Variants in CAPN5 observed in about 807,000 individuals in gnomAD.
CAPN5 encodes calpain 5, also known as calpain-5.
A neutral mutation model predicts 73.0 loss-of-function variants in CAPN5; 54 were observed. The ratio of observed to expected loss-of-function variants is 0.74; its 90% CI spans 0.59 to 0.93. The LOEUF is 0.93. Among genes scored for constraint, CAPN5 ranks in the 40% least tolerant of loss-of-function variants. The pLI is 0.00. For synonymous variants in CAPN5, 335 were observed against 356.9 expected, an observed-to-expected ratio of 0.94 and a Z score of 0.69; for missense variants, 785 against 882.9, an observed-to-expected ratio of 0.89 and a Z score of 1.41.
In CAPN5 at chr11:77,114,411, G is replaced by A. The variant is rs782553249; in HGVS notation, c.676G>A (p.Gly226Ser). Residue 226 changes from glycine to serine, a missense_variant, in exon 5 of 13, where the codon GGC (glycine) becomes AGC (serine). By Grantham distance (56) the Gly-to-Ser change is moderately conservative (BLOSUM62 0). Coordinates refer to ENST00000648180, the MANE Select transcript of CAPN5 (RefSeq NM_004055.5). ...CATGTTAAAGGTGCACAGCCGGGGCGGCCTCATCAGTGCCTCCATCAAGGT... is the reference window on the plus strand; with the variant it reads ...CATGTTAAAGGTGCACAGCCGGGGCAGCCTCATCAGTGCCTCCATCAAGGT... ...ERMLKVHSRG[G>S]LISASIKAVT... is the part of the protein sequence containing the mutation. 8.1e-6 allele frequency: 13 copies of A among 1,614,042 alleles called. No individual in the cohort carries two copies. Among genetic ancestry groups the A allele is most frequent in the South Asian group, 2.2e-5 (2 of 91,086 alleles).
intron 1 of CAPN5, among the ~76,000 whole-genome samples, chr11:77,077,830 T>C (rs1221829986): frequency 2.6e-5 from 4 of 152,190 alleles, no homozygotes; most frequent in African/African-American, 9.7e-5. Context: ...TGAGCATTTT[T>C]TTCATATGCC....
chr11:77,079,957 A>G (rs1470936653), intron 1 of CAPN5, among the ~76,000 whole-genome samples: 3 of 151,848 alleles, frequency 2.0e-5, no homozygotes, highest in Non-Finnish European at 4.4e-5. Flanking sequence ...TTTTTTTCTC[A>G]TGTTCTTTTC....
At chr11:77,073,004 T>G (rs1555033328) in intron 1 of CAPN5, 2 of 1,013,946 alleles carry the variant, frequency 2.0e-6, no homozygotes, top group Admixed American at 4.7e-5. Flanking sequence ...GTCTCTCCGG[T>G]GGGGAGTGAG....
chr11:77,078,594 G>A (rs1369061835), intron 1 of CAPN5, among the ~76,000 whole-genome samples: 1 of 152,080 alleles, frequency 6.6e-6, no homozygotes, highest in Non-Finnish European at 1.5e-5. Context: ...TTTTATTTCT[G>A]TGAAAAATGT....
At chr11:77,067,149 T>C (rs2135398870) in intron 1 of CAPN5, 55 bp downstream of exon 1, 1 of 145,786 alleles carries the variant, frequency 6.9e-6, no homozygotes, top group East Asian at 2.0e-4. Flanking sequence ...TGTGTGTGTT[T>C]CGGGGGGGTG....
intron 1 of CAPN5, among the ~76,000 whole-genome samples, chr11:77,074,783 G>A (rs1376450256): frequency 6.6e-6 from 1 of 152,218 alleles, no homozygotes; most frequent in African/African-American, 2.4e-5. Flanking sequence ...TGCCAGGCCT[G>A]TGCTTTGCGC....
chr11:77,125,150 T>C lies in CAPN5; in HGVS notation c.*1280T>C, dbSNP rs1298650065. The C allele has an allele frequency of 6.6e-6, 1 of 152,506 alleles. No individual in the cohort carries two copies. Among genetic ancestry groups the C allele is most frequent in the Non-Finnish European group, 1.5e-5 (1 of 68,058 alleles). 9.4% of individuals were successfully genotyped at this position (152,506 alleles called of 1,614,324 possible). On this transcript the variant is annotated 3_prime_UTR_variant, in exon 13 of 13. Transcript: ENST00000648180. ...GATCTCTGCTGTGCCCTTCTCGGGCTTCCAGACCAGGTGTAGCAAATGAAA... is the reference window on the plus strand; with the variant it reads ...GATCTCTGCTGTGCCCTTCTCGGGCCTCCAGACCAGGTGTAGCAAATGAAA...
At chr11:77,068,021 C>A (rs1289800360) in intron 1 of CAPN5, among the ~76,000 whole-genome samples, 1 of 152,138 alleles carries the variant, frequency 6.6e-6, no homozygotes, top group African/African-American at 2.4e-5. Flanking sequence ...CTGAGGGCGA[C>A]TATCCCAGGA....
Position 77,100,411 on chromosome 11 carries a change from C to T in CAPN5, c.297+6598C>T, listed in dbSNP as rs142165553. ...CCCCCAGGCCTTCCCTTGGCTCCCA[C>T]CGCTCGTCCCTCCCGCCCAGTCTGT... is the stretch of plus-strand genomic sequence containing the variant. On this transcript the variant is annotated intron_variant, in intron 3 of 12. Transcript: ENST00000648180. Among the ~76,000 whole-genome samples, 291 of 152,100 alleles carry T rather than the reference C, an allele frequency of 1.9e-3. 2 individuals are homozygous for T. The highest frequency in any genetic ancestry group is 8.5e-4 in the Non-Finnish European group (58 of 67,984).
rs1178827314 is a variant in CAPN5, at chr11:77,125,734, T to C, written c.*1864T>C. ...CCAGCTTGCACCTCAGGCTAACACA[T>C]AGGACTTTGCTCAGCCATGTCCCCT... On this transcript the variant is annotated 3_prime_UTR_variant, in exon 13 of 13. Coordinates refer to ENST00000648180, the MANE Select transcript of CAPN5 (RefSeq NM_004055.5). 3 of 152,032 alleles carry C rather than the reference T, an allele frequency of 2.0e-5. No homozygotes were observed. The highest frequency in any genetic ancestry group is 4.4e-5 in the Non-Finnish European group (3 of 67,922). 9.4% of individuals were successfully genotyped at this position (152,032 alleles called of 1,614,324 possible). A position where few individuals can be genotyped will look rare whatever the true frequency, so the allele number is the denominator to read the frequency against.
intron 2 of CAPN5, chr11:77,087,842 C>T: frequency 1.4e-6 from 2 of 1,474,984 alleles, no homozygotes; most frequent in Non-Finnish European, 1.8e-6. Context: ...ATTGACTCTG[C>T]AGGTGGGACC....
Position 77,090,883 on chromosome 11 carries a change from G to A in CAPN5, c.166-2799G>A, listed in dbSNP as rs182957766. Among the ~76,000 whole-genome samples, 204 of 152,288 alleles carry A rather than the reference G, an allele frequency of 1.3e-3. 2 individuals carry two copies. The highest frequency in any genetic ancestry group is 3.1e-3 in the East Asian group (16 of 5,180). ...CTGGGAGGGAAGACAGGAGGGCAGC[G>A]GGGAGGAGAGGGAAAGTCCCTTCTT... On this transcript the variant is annotated intron_variant, in intron 2 of 12. Transcript: ENST00000648180.
intron 3 of CAPN5, among the ~76,000 whole-genome samples, chr11:77,108,536 G>A (rs1418094073): frequency 6.6e-5 from 10 of 152,104 alleles, no homozygotes; most frequent in Non-Finnish European, 1.2e-4. Flanking sequence ...GCTGGTGTCC[G>A]TGGTGATGGG....
intron 11 of CAPN5, among the ~76,000 whole-genome samples, chr11:77,122,325 T>TGAAAGGGGGTAAGGGA (rs1378839346): frequency 1.3e-5 from 2 of 152,044 alleles, no homozygotes; most frequent in African/African-American, 4.8e-5. Flanking sequence ...CAAAGCCTGA[T>TGAAAGGGGGTAAGGGA]GAAAGGGGGT....
chr11:77,080,378 G>A (rs1039251422), intron 1 of CAPN5, among the ~76,000 whole-genome samples: 7 of 152,118 alleles, frequency 4.6e-5, no homozygotes, highest in African/African-American at 1.2e-4. Flanking sequence ...TGTGTCCTTC[G>A]TTCTTATTAT....
chr11:77,113,542 A>G (rs1180008684), intron 4 of CAPN5, among the ~76,000 whole-genome samples: 1 of 152,212 alleles, frequency 6.6e-6, no homozygotes, highest in East Asian at 1.9e-4. Flanking sequence ...ATCTTGCTGA[A>G]AAAATGTGTG....
At chr11:77,086,085 C>T (rs1363867327) in intron 2 of CAPN5, among the ~76,000 whole-genome samples, 1 of 152,170 alleles carries the variant, frequency 6.6e-6, no homozygotes, top group Non-Finnish European at 1.5e-5. Flanking sequence ...CTCATGTGGG[C>T]CTGTGGAGAG....
intron 2 of CAPN5, among the ~76,000 whole-genome samples, chr11:77,087,138 G>A (rs1950095960): frequency 1.3e-5 from 2 of 152,340 alleles, no homozygotes; most frequent in Admixed American, 1.3e-4. Context: ...GGCTGGGGTG[G>A]ATGGTCCACG....
chr11:77,085,154 C>T (rs1950072524), intron 2 of CAPN5, 103 bp downstream of exon 2: 8 of 989,622 alleles, frequency 8.1e-6, no homozygotes, highest in Non-Finnish European at 1.1e-5. Context: ...CATCCCTGGC[C>T]CCAGGCTGCT....
Sources: allele counts gnomAD v4.1 joint callset (sites outside exome capture counted in the v4.1 genomes callset), GRCh38; gene constraint gnomAD v4.1.1; transcripts MANE v1.5; gene names NCBI Gene and HGNC (gene_info 2026-07-23, HGNC 2026-07-21).